PHF23: variants seen among roughly 807,000 people sequenced by gnomAD.
PHF23 encodes PDH-containing protein JUNE-1.
A neutral mutation model predicts 36.0 loss-of-function variants in PHF23; 3 were observed. The ratio of observed to expected loss-of-function variants is 0.08; its 90% CI spans 0.04 to 0.22. PHF23 has a LOEUF of 0.22. Ranked by LOEUF, PHF23 falls within the 10% of genes least tolerant of loss-of-function variation. The pLI is 1.00. For missense variants in PHF23, 475 were observed against 513.6 expected, an observed-to-expected ratio of 0.92 and a Z score of 0.73; for synonymous variants, 242 against 192.5, an observed-to-expected ratio of 1.26 and a Z score of -2.13.
At chr17:7,239,126 G>A in intron 1 of PHF23, 120 bp downstream of exon 1, 6 of 1,017,944 alleles carry the variant, frequency 5.9e-6, no homozygotes, top group Non-Finnish European at 8.7e-6. Context: ...TCCAGGGCCA[G>A]CCTCCCGACC....
chr17:7,239,628 G>T, upstream of PHF23: 1 of 174,822 alleles, frequency 5.7e-6, no homozygotes, highest in South Asian at 1.4e-4. Context: ...AAAAGGGACC[G>T]CATGAACCTC....
At chr17:7,240,465 C>G (rs1245192513), upstream of PHF23, 1 of 174,822 alleles carries the variant, frequency 5.7e-6, no homozygotes, top group African/African-American at 2.4e-5. Context: ...CTACCTTCCC[C>G]CCACAATTTC....
At position 7,236,635 on chromosome 17, in the gene PHF23, T is replaced by G. The variant is rs1260398182; in HGVS notation, c.292A>C (p.Lys98Gln). 1.2e-6 allele frequency: 2 copies of G among 1,614,144 alleles called. No individual in the cohort carries two copies. The highest frequency in any genetic ancestry group is 2.7e-5 in the African/African-American group (2 of 75,028). ...QTFVKKAKSS[K>Q]RRAAQAGPTQ... ...GGACCTGCTTGAGCTGCCCTTCTCTTGGATGACTTTGCTTTCTTAACAAAA... is the reference window on the plus strand; with the variant it reads ...GGACCTGCTTGAGCTGCCCTTCTCTGGGATGACTTTGCTTTCTTAACAAAA... Residue 98 changes from lysine (K) to glutamine (Q), a missense_variant, in exon 4 of 5, where the codon AAG becomes CAG. Transcript: ENST00000320316. The surrounding 1 kb of genome is among the most constrained non-coding windows in gnomAD (Gnocchi z 5.1).
Position 7,235,396 on chromosome 17 carries a change from CACAG to C in PHF23, c.*226_*229del. ...AAGAGACAGAGATTATGTGTCGGGA[CACAG>C]ACAGCCTCCCATCCCCAACCGTAAT... On this transcript the variant is annotated 3_prime_UTR_variant, in exon 5 of 5. Coordinates refer to ENST00000320316, the MANE Select transcript of PHF23 (RefSeq NM_024297.3). The C allele has an allele frequency of 1.8e-6, 1 of 556,664 alleles. No homozygotes were observed. The allele number at this position is 556,664 out of a possible 1,614,324, so 34.5% of individuals were successfully genotyped here.
upstream of PHF23, chr17:7,240,428 G>A (rs2071763899): frequency 6.0e-6 from 1 of 167,138 alleles, no homozygotes; most frequent in Non-Finnish European, 1.3e-5. Flanking sequence ...GTTCAGCTTG[G>A]TGGTTTCCTC....
At position 7,235,514 on chromosome 17, in the gene PHF23, C is replaced by G. The variant is rs902683502; in HGVS notation, c.*112G>C. ...TTCAAACAAGTCTCCCTTGAGAATT[C>G]CTGCCTTGAAGTGCAGACAGTATCC... On this transcript the variant is annotated 3_prime_UTR_variant, in exon 5 of 5. Coordinates refer to ENST00000320316, the MANE Select transcript of PHF23 (RefSeq NM_024297.3). 6 of 1,086,320 alleles carry G rather than the reference C, an allele frequency of 5.5e-6. No homozygotes were observed. The highest frequency in any genetic ancestry group is 5.4e-6 in the Non-Finnish European group (4 of 737,416). The allele number at this position is 1,086,320 out of a possible 1,614,324, so 67.3% of individuals were successfully genotyped here. A position where few individuals can be genotyped will look rare whatever the true frequency, so the allele number is the denominator to read the frequency against.
Position 7,236,146 on chromosome 17 carries a change from C to G in PHF23, c.781G>C (p.Glu261Gln). 4 of 1,606,514 alleles carry G rather than the reference C, an allele frequency of 2.5e-6. No homozygotes were observed. Among genetic ancestry groups the G allele is most frequent in the Non-Finnish European group, 3.4e-6 (4 of 1,176,314 alleles). The change falls in exon 4 of 5, where the codon GAG becomes CAG. Residue 261 changes from glutamate to glutamine, a missense_variant. Glu to Gln is a conservative substitution (Grantham distance 29). Transcript: ENST00000320316. The surrounding 1 kb of genome is among the most constrained non-coding windows in gnomAD (Gnocchi z 5.1). ...EEEEEEEEEEEMATVVGGEAP... is the reference protein window; with the variant it reads ...EEEEEEEEEEQMATVVGGEAP... ...TCACCCCCTACCACTGTTGCCATCT[C>G]TTCTTCTTCTTCCTCTTCCTCCTCT...
chr17:7,236,814 T>G lies in PHF23; in HGVS notation c.160-47A>C. The stretch of plus-strand genomic sequence containing the variant: ...GGGTCAGCAGAACCCCAGTGTCATC[T>G]CAGCCCCTCCACAAACCCAGCTTGA... On this transcript the variant is annotated intron_variant, in intron 3 of 4. Coordinates refer to ENST00000320316, the MANE Select transcript of PHF23 (RefSeq NM_024297.3). This position sits in a 1 kb window ranked among gnomAD's most constrained non-coding sequence, Gnocchi z 5.1. The G allele has an allele frequency of 3.2e-6, 5 of 1,552,238 alleles. No homozygotes were observed. Among genetic ancestry groups the G allele is most frequent in the Non-Finnish European group, 4.3e-6 (5 of 1,153,778 alleles).
In PHF23 at chr17:7,236,706, C is replaced by T; in HGVS notation, c.221G>A (p.Ser74Asn). 2.5e-6 allele frequency: 4 copies of T among 1,613,980 alleles called. No homozygotes were observed. The highest frequency in any genetic ancestry group is 2.5e-6 in the Non-Finnish European group (3 of 1,180,000). Residue 74 changes from serine to asparagine, a missense_variant, in exon 4 of 5, where the codon AGT (serine) becomes AAT (asparagine). Ser to Asn is a conservative substitution (Grantham distance 46). Around this residue, in one of 5 missense-constraint regions of PHF23, gnomAD observed 350 missense variants for 319.8 expected, o/e 1.09. Coordinates refer to ENST00000320316, the MANE Select transcript of PHF23 (RefSeq NM_024297.3). The surrounding 1 kb of genome is among the most constrained non-coding windows in gnomAD (Gnocchi z 5.1). ...TGAGGGGGCCGAGTCCCAGCCATCACTGTCGGCCGCACTCTCTCCTCGCAA... is the reference window on the plus strand; with the variant it reads ...TGAGGGGGCCGAGTCCCAGCCATCATTGTCGGCCGCACTCTCTCCTCGCAA... ...SPLRGESAAD[S>N]DGWDSAPSDL...
At position 7,239,397 on chromosome 17, in the gene PHF23, G is replaced by A; in HGVS notation, c.-118C>T. ...TCCACAGAAGTGTCCGCCTCAGCCC[G>A]GTTGAGACTCGAGTCCGCTAGCCGC... On this transcript the variant is annotated 5_prime_UTR_variant, in exon 1 of 5. Coordinates refer to ENST00000320316, the MANE Select transcript of PHF23 (RefSeq NM_024297.3). 1 of 536,948 alleles carries A rather than the reference G, an allele frequency of 1.9e-6. No individual in the cohort carries two copies. The highest frequency in any genetic ancestry group is 3.4e-6 in the Non-Finnish European group (1 of 294,904). The allele number at this position is 536,948 out of a possible 1,614,324, so 33.3% of individuals were successfully genotyped here. A position where few individuals can be genotyped will look rare whatever the true frequency, so the allele number is the denominator to read the frequency against.
chr17:7,238,755 C>T (rs1047703922), intron 1 of PHF23: 14 of 1,530,802 alleles, frequency 9.1e-6, no homozygotes, highest in East Asian at 4.9e-5. Context: ...AATACCCAGA[C>T]CCCCTCTTCT....
intron 1 of PHF23, chr17:7,237,959 G>GCGCCC (rs1295990427): frequency 1.1e-5 from 4 of 374,478 alleles, no homozygotes; most frequent in African/African-American, 2.5e-5. Flanking sequence ...GGATCCCTCA[G>GCGCCC]CGCCCCACCC....
rs1383785914 is a variant in PHF23, at chr17:7,236,751, G to A, written c.176C>T (p.Ala59Val). 1.8e-5 allele frequency: 29 copies of A among 1,611,740 alleles called. No homozygotes were observed. Among genetic ancestry groups the A allele is most frequent in the Non-Finnish European group, 2.5e-5 (29 of 1,178,870 alleles). Residue 59 changes from alanine (A) to valine (V), a missense_variant, in exon 4 of 5, where the codon GCC becomes GTC. Physicochemically the swap from Ala to Val is moderately conservative, Grantham distance 64 (BLOSUM62 0). Transcript: ENST00000320316. The surrounding 1 kb of genome is among the most constrained non-coding windows in gnomAD (Gnocchi z 5.1). Reference sequence around the variant, plus strand: ...TCGCAATGGAGAGCTGGAGCCAGAGGCTGGCCAGTCACTTTCCTTAAAAGG... The same window carrying A: ...TCGCAATGGAGAGCTGGAGCCAGAGACTGGCCAGTCACTTTCCTTAAAAGG... ...PPSKEESDWP[A>V]SGSSSPLRGE...
In PHF23 at chr17:7,235,849, A is replaced by G. The variant is rs1420863993; in HGVS notation, c.998-9T>C. ...ATCCCATGAGTCATCACCTGGGGAA[A>G]AAAAGGTTTGTTTGGTATTCTGCCT... On this transcript the variant is annotated splice_polypyrimidine_tract_variant and intron_variant, in intron 4 of 4. Transcript: ENST00000320316. 7 of 1,614,178 alleles carry G rather than the reference A, an allele frequency of 4.3e-6. No homozygotes were observed. Among genetic ancestry groups the G allele is most frequent in the Non-Finnish European group, 5.9e-6 (7 of 1,180,010 alleles).
chr17:7,240,565 G>A, upstream of PHF23: 2 of 330,460 alleles, frequency 6.1e-6, no homozygotes, highest in East Asian at 6.1e-5. Flanking sequence ...AAAGGGAACA[G>A]AAACCAAAAC....
At chr17:7,238,754 AC>A (rs1202442994) in intron 1 of PHF23, 1 of 1,510,212 alleles carries the variant, frequency 6.6e-7, no homozygotes, top group East Asian at 2.5e-5. Flanking sequence ...CAATACCCAG[AC>A]CCCCTCTTCT....
chr17:7,237,175 C>T (rs1366111412), intron 3 of PHF23, among the ~76,000 whole-genome samples: 2 of 152,218 alleles, frequency 1.3e-5, no homozygotes, highest in African/African-American at 4.8e-5. Context: ...AATCCCCCTT[C>T]CTTTTCACTG....
chr17:7,239,230 C>G lies in PHF23; in HGVS notation c.34+16G>C, dbSNP rs1264175233. ...CCCCCCGCCGGCTCAGCGCTCTGCA[C>G]CGGTCGAGAGCTCACCTTCGGGACT... On this transcript the variant is annotated intron_variant, in intron 1 of 4. Transcript: ENST00000320316. The G allele has an allele frequency of 7.9e-6, 12 of 1,523,922 alleles. 1 individual carries two copies. The highest frequency in any genetic ancestry group is 8.1e-6 in the Non-Finnish European group (9 of 1,113,104). The allele number at this position is 1,523,922 out of a possible 1,614,324, so 94.4% of individuals were successfully genotyped here. A position where few individuals can be genotyped will look rare whatever the true frequency, so the allele number is the denominator to read the frequency against.
In PHF23 at chr17:7,236,565, G is replaced by C. The variant is rs2071674636; in HGVS notation, c.362C>G (p.Ala121Gly). 1 of 1,614,182 alleles carries C rather than the reference G, an allele frequency of 6.2e-7. No homozygotes were observed. Among genetic ancestry groups the C allele is most frequent in the Middle Eastern group, 1.6e-4 (1 of 6,062 alleles). ...PPRSTFSRLQAPDSATLLEKM... is the reference protein window; with the variant it reads ...PPRSTFSRLQGPDSATLLEKM... ...CTCAAGCAAGGTAGCACTGTCGGGG[G>C]CCTGCAGACGAGAGAAAGTGGACCT... The change falls in exon 4 of 5, where the codon GCC becomes GGC. Residue 121 changes from alanine (A) to glycine (G), a missense_variant. This residue lies in a region of PHF23 where 350 missense variants were observed against 319.8 expected (regional missense o/e 1.09). Transcript: ENST00000320316. This position sits in a 1 kb window ranked among gnomAD's most constrained non-coding sequence, Gnocchi z 5.1.
Sources: allele counts gnomAD v4.1 joint callset (sites outside exome capture counted in the v4.1 genomes callset), GRCh38; gene constraint gnomAD v4.1.1; regional missense constraint gnomAD v4.1.1; non-coding constraint Gnocchi (gnomAD v3.1); transcripts MANE v1.5; gene names NCBI Gene and HGNC (gene_info 2026-07-23, HGNC 2026-07-21).